PLCB4: variants seen among roughly 807,000 people sequenced by gnomAD.
PLCB4 encodes the protein 1-phosphatidylinositol 4,5-bisphosphate phosphodiesterase beta-4.
Under a neutral mutation model 178.8 loss-of-function variants are expected in PLCB4, and 77 were observed. The ratio of observed to expected loss-of-function variants is 0.43; its 90% CI spans 0.36 to 0.52. PLCB4 has a LOEUF of 0.52. PLCB4 is among the 20% of genes least tolerant of loss of function. The probability of loss-of-function intolerance (pLI) is 0.00; values close to 1 mark genes in which losing one functional copy is unlikely to be tolerated. For missense variants in PLCB4, 1,024 were observed against 1,453.4 expected (o/e 0.70, Z 4.80); for synonymous variants, 496 against 490.8 (o/e 1.01, Z -0.14).
intron 8 of PLCB4, among the ~76,000 whole-genome samples, chr20:9,364,317 A>C (rs2035595315): frequency 6.6e-6 from 1 of 152,166 alleles, no homozygotes; most frequent in Non-Finnish European, 1.5e-5. Flanking sequence ...CTGACATGAG[A>C]TCTAACAACA....
chr20:9,184,128 A>C (rs1212478660), intron 2 of PLCB4, among the ~76,000 whole-genome samples: 1 of 152,196 alleles, frequency 6.6e-6, no homozygotes, highest in East Asian at 1.9e-4. Context: ...AATTGAAGGT[A>C]GAAGGCATCC....
At chr20:9,100,031 T>C (rs1195405008) in intron 2 of PLCB4, among the ~76,000 whole-genome samples, 1 of 152,176 alleles carries the variant, frequency 6.6e-6, no homozygotes, top group Non-Finnish European at 1.5e-5. Flanking sequence ...AAATGCCCAC[T>C]TTTGTGTTTT....
chr20:9,414,972 C>T (rs1005974373), intron 25 of PLCB4, among the ~76,000 whole-genome samples: 1 of 152,162 alleles, frequency 6.6e-6, no homozygotes, highest in African/African-American at 2.4e-5. Context: ...CTGAAACCAC[C>T]AAACCCAACA....
At chr20:9,309,347 A>T (rs2094805269) in intron 4 of PLCB4, among the ~76,000 whole-genome samples, 1 of 152,208 alleles carries the variant, frequency 6.6e-6, no homozygotes, top group Admixed American at 6.5e-5. Context: ...AACTCCTCTC[A>T]TCTCAGAACC....
At chr20:9,382,916 G>A (rs934721902) in intron 13 of PLCB4, among the ~76,000 whole-genome samples, 1 of 152,158 alleles carries the variant, frequency 6.6e-6, no homozygotes, top group African/African-American at 2.4e-5. Flanking sequence ...AAGGAAAGAG[G>A]TATACAAATT....
intron 3 of PLCB4, among the ~76,000 whole-genome samples, chr20:9,235,770 T>A (rs2093986444): frequency 2.0e-5 from 3 of 152,200 alleles, no homozygotes. Flanking sequence ...CAACTCTTAT[T>A]GAAGAGGGAT....
chr20:9,289,688 A>C (rs1207953808), intron 3 of PLCB4, among the ~76,000 whole-genome samples: 1 of 151,946 alleles, frequency 6.6e-6, no homozygotes, highest in African/African-American at 2.4e-5. Context: ...GTGTTTTTTT[A>C]CTTGAAATTA....
chr20:9,402,214 T>TA (rs1435633611), intron 20 of PLCB4, among the ~76,000 whole-genome samples: 7 of 152,188 alleles, frequency 4.6e-5, no homozygotes, highest in Non-Finnish European at 1.0e-4. Context: ...AATTACAACT[T>TA]ACGGTGAGTG....
At chr20:9,200,050 T>C (rs983864484) in intron 2 of PLCB4, among the ~76,000 whole-genome samples, 10 of 145,888 alleles carry the variant, frequency 6.9e-5, no homozygotes, top group African/African-American at 2.6e-4. Context: ...TCTCAATGAC[T>C]TTCCCTCTGT....
In PLCB4 at chr20:9,435,645, A is replaced by C; in HGVS notation, c.2610A>C (p.Glu870Asp). Reference sequence around the variant, plus strand: ...ACCAAATGAGAGCTATGGGCATTGAAACTGTAAGTAGAAATGGTTGATTAA... The same window carrying C: ...ACCAAATGAGAGCTATGGGCATTGACACTGTAAGTAGAAATGGTTGATTAA... Reference protein sequence around the residue: ...RADQMRAMGIETSDIADVPSD... With the variant: ...RADQMRAMGIDTSDIADVPSD... Residue 870 changes from glutamate (E) to aspartate (D), a missense_variant, in exon 29 of 40, where the codon GAA becomes GAC. Physicochemically the swap from Glu to Asp is conservative, Grantham distance 45. This residue lies in a region of PLCB4 where 227 missense variants were observed against 374.3 expected (regional missense o/e 0.61). Coordinates refer to ENST00000378473, the MANE Select transcript of PLCB4 (RefSeq NM_001377142.1). 6.4e-7 allele frequency: 1 copy of C among 1,565,606 alleles called. No individual in the cohort carries two copies.
chr20:9,277,384 C>T (rs549420573), intron 3 of PLCB4, among the ~76,000 whole-genome samples: 1 of 152,104 alleles, frequency 6.6e-6, no homozygotes, highest in South Asian at 2.1e-4. Flanking sequence ...CTAAAAAGAA[C>T]AGCTTTGTTT....
intron 7 of PLCB4, among the ~76,000 whole-genome samples, chr20:9,341,929 C>T (rs2148095308): frequency 6.6e-6 from 1 of 152,242 alleles, no homozygotes; most frequent in East Asian, 1.9e-4. Context: ...AGTGTTTCAG[C>T]TTCTGGGAAC....
chr20:9,267,924 A>T (rs1035540050), intron 3 of PLCB4, among the ~76,000 whole-genome samples: 3 of 152,116 alleles, frequency 2.0e-5, no homozygotes, highest in African/African-American at 4.8e-5. Context: ...CTGAGGTGGC[A>T]CAGGGCATCA....
At chr20:9,196,282 C>T (rs902267035) in intron 2 of PLCB4, among the ~76,000 whole-genome samples, 3 of 152,048 alleles carry the variant, frequency 2.0e-5, no homozygotes, top group Non-Finnish European at 2.9e-5. Context: ...ACCAGAGTGC[C>T]CTGACAATGG....
At chr20:9,452,472 G>A (rs1214779600) in intron 32 of PLCB4, among the ~76,000 whole-genome samples, 2 of 152,148 alleles carry the variant, frequency 1.3e-5, no homozygotes, top group Non-Finnish European at 2.9e-5. Flanking sequence ...GTAAGGTTAG[G>A]CTATAACATC....
intron 21 of PLCB4, among the ~76,000 whole-genome samples, chr20:9,407,555 G>C (rs906641871): frequency 6.6e-6 from 1 of 152,074 alleles, no homozygotes; most frequent in African/African-American, 2.4e-5. Flanking sequence ...ATTTTTAGTA[G>C]AGATGGGGTT....
chr20:9,235,668 G>A lies in PLCB4; in HGVS notation c.-16+18216G>A, dbSNP rs142765761. On this transcript the variant is annotated intron_variant, in intron 3 of 39. Transcript: ENST00000378473. The stretch of plus-strand genomic sequence containing the variant: ...CTCAGATGTAGAAGTGGGTTGTTGG[G>A]CAGATAATCCTGTAAATGCCCCTTG... Among the ~76,000 whole-genome samples, 461 of 152,316 alleles carry A rather than the reference G, an allele frequency of 3.0e-3. 2 individuals carry two copies. The highest frequency in any genetic ancestry group is 0.011 in the African/African-American group (448 of 41,576).
Position 9,094,206 on chromosome 20 carries a change from A to AT in PLCB4, c.-134-2080dup, listed in dbSNP as rs1208201951. 7.2e-5 allele frequency among the ~76,000 whole-genome samples: 11 copies of AT among 152,288 alleles called. No individual in the cohort carries two copies. The East Asian group carries it at 1.9e-3, about 27-fold the overall frequency. On this transcript the variant is annotated intron_variant, in intron 1 of 39. Transcript: ENST00000378473. ...CAAGAATGAGATAACCAGTGTTCCTATGTTGATGTTACTTAATTGAAAGCA... is the reference window on the plus strand; with the variant it reads ...CAAGAATGAGATAACCAGTGTTCCTATTGTTGATGTTACTTAATTGAAAGCA...
intron 25 of PLCB4, among the ~76,000 whole-genome samples, chr20:9,415,906 C>G (rs1030347634): frequency 6.6e-6 from 1 of 152,166 alleles, no homozygotes; most frequent in African/African-American, 2.4e-5. Flanking sequence ...GCCCCCTGCA[C>G]CCTCACAGCC....
Sources: allele counts gnomAD v4.1 joint callset (sites outside exome capture counted in the v4.1 genomes callset), GRCh38; gene constraint gnomAD v4.1.1; regional missense constraint gnomAD v4.1.1; transcripts MANE v1.5; gene names NCBI Gene and HGNC (gene_info 2026-07-23, HGNC 2026-07-21).